The following PRKAG2 variants were observed in gnomAD, a reference collection of about 807,000 sequenced individuals.
The protein encoded by PRKAG2 is protein kinase AMP-activated non-catalytic subunit gamma 2.
In PRKAG2, 26 loss-of-function variants were observed where a neutral mutation model predicts 69.6. The ratio of observed to expected loss-of-function variants is 0.37; its 90% CI spans 0.27 to 0.52. The LOEUF (loss-of-function observed/expected upper bound fraction) is 0.52, where lower values mean the gene tolerates loss of function less well. Ranked by LOEUF, PRKAG2 falls within the 20% of genes least tolerant of loss-of-function variation. The pLI is 0.90. For missense variants in PRKAG2, 557 were observed against 740.0 expected, an observed-to-expected ratio of 0.75 and a Z score of 2.87; for synonymous variants, 293 against 285.0, an observed-to-expected ratio of 1.03 and a Z score of -0.28.
At chr7:151,735,993 T>C (rs1278698731) in intron 3 of PRKAG2, 1 of 1,536,038 alleles carries the variant, frequency 6.5e-7, no homozygotes, top group Non-Finnish European at 8.7e-7. Flanking sequence ...AAGCGCTTCA[T>C]GGGTAGCTGT....
At chr7:151,562,771 T>C (rs949878445) in intron 14 of PRKAG2, among the ~76,000 whole-genome samples, 4 of 151,770 alleles carry the variant, frequency 2.6e-5, no homozygotes, top group Admixed American at 2.0e-4. Flanking sequence ...ATCGAGACCA[T>C]CCTGGCTGAC....
At chr7:151,848,464 G>A (rs10260657) in intron 1 of PRKAG2, among the ~76,000 whole-genome samples, 47,518 of 148,770 alleles carry the variant, frequency 0.32, 7,828 homozygotes, top group East Asian at 0.43. Context: ...ACCCAGTCTC[G>A]GGTATTTTGT....
chr7:151,751,519 A>G (rs190162726), intron 3 of PRKAG2, among the ~76,000 whole-genome samples: 13 of 149,794 alleles, frequency 8.7e-5, no homozygotes, highest in Admixed American at 3.3e-4. Context: ...TTATTTATTT[A>G]TTTTTTTGAG....
intron 5 of PRKAG2, among the ~76,000 whole-genome samples, chr7:151,612,273 G>A (rs1472678253): frequency 6.6e-6 from 1 of 152,212 alleles, no homozygotes; most frequent in Admixed American, 6.5e-5. Context: ...ACTGCAGAGT[G>A]AGCGTCAGCT....
At chr7:151,732,126 C>T (rs1439454451) in intron 3 of PRKAG2, among the ~76,000 whole-genome samples, 17 of 139,012 alleles carry the variant, frequency 1.2e-4, no homozygotes, top group Non-Finnish European at 2.3e-4. Flanking sequence ...TGAGCCACAG[C>T]ACCTGGCTTT....
chr7:151,698,945 C>T (rs923922201), intron 3 of PRKAG2, among the ~76,000 whole-genome samples: 3 of 152,112 alleles, frequency 2.0e-5, no homozygotes, highest in African/African-American at 7.2e-5. Flanking sequence ...CACGTGGAAC[C>T]CTAGGAAAAC....
Position 151,807,648 on chromosome 7 carries a change from A to AG in PRKAG2, c.115-21108dup, listed in dbSNP as rs929366035. ...GTTTCTCCAACAGGTAAGTCCCAGC[A>AG]GGGTGCGATGTCCCAAACCTACACA... On this transcript the variant is annotated intron_variant, in intron 1 of 15. Transcript: ENST00000287878. The surrounding 1 kb of genome is among the most constrained non-coding windows in gnomAD (Gnocchi z 4.4). 1.5e-5 allele frequency: 7 copies of AG among 457,098 alleles called. No individual in the cohort carries two copies. Among genetic ancestry groups the AG allele is most frequent in the Non-Finnish European group, 3.1e-5 (7 of 226,478 alleles). 28.3% of individuals were successfully genotyped at this position (457,098 alleles called of 1,614,324 possible). A position where few individuals can be genotyped will look rare whatever the true frequency, so the allele number is the denominator to read the frequency against.
At chr7:151,675,370 C>T in intron 4 of PRKAG2, 50 bp downstream of exon 4, 1 of 1,553,218 alleles carries the variant, frequency 6.4e-7, no homozygotes, top group Non-Finnish European at 8.9e-7. Context: ...AACTGCTCTG[C>T]CCTCCCTCTG....
intron 3 of PRKAG2, among the ~76,000 whole-genome samples, chr7:151,697,091 G>A (rs990983829): frequency 6.6e-6 from 1 of 152,228 alleles, no homozygotes; most frequent in African/African-American, 2.4e-5. Flanking sequence ...TGTGTAGCCT[G>A]GGAGGGGCCT....
chr7:151,627,206 C>T (rs1823180958), intron 5 of PRKAG2, among the ~76,000 whole-genome samples: 1 of 152,164 alleles, frequency 6.6e-6, no homozygotes, highest in South Asian at 2.1e-4. Context: ...CCCTTCATCA[C>T]AGATCTGGGC....
intron 6 of PRKAG2, among the ~76,000 whole-genome samples, chr7:151,592,942 T>C (rs1813583952): frequency 6.6e-6 from 1 of 152,202 alleles, no homozygotes; most frequent in African/African-American, 2.4e-5. Context: ...CTCCCCCTAT[T>C]TCCATGGTAA....
intron 1 of PRKAG2, among the ~76,000 whole-genome samples, chr7:151,796,131 GC>G (rs961156055): frequency 2.4e-4 from 36 of 151,906 alleles, no homozygotes; most frequent in African/African-American, 7.5e-4. Flanking sequence ...AGAGCCCTAG[GC>G]CCCCTCACCC....
intron 1 of PRKAG2, among the ~76,000 whole-genome samples, chr7:151,847,537 C>G (rs979405604): frequency 2.0e-5 from 3 of 152,210 alleles, no homozygotes; most frequent in Non-Finnish European, 4.4e-5. Context: ...TGAAGCACCC[C>G]ACTGAGGCTG....
Position 151,632,190 on chromosome 7 carries a change from C to G in PRKAG2, c.685-52G>C. ...CAGCATGAGCTGCGACGCTCGTCCC[C>G]GGCCGGCGGGCTCGCGGCCGGCCGA... is the stretch of plus-strand genomic sequence containing the variant. On this transcript the variant is annotated intron_variant, in intron 4 of 15. Transcript: ENST00000287878. This position sits in a 1 kb window ranked among gnomAD's most constrained non-coding sequence, Gnocchi z 4.2. 8.2e-7 allele frequency: 1 copy of G among 1,212,610 alleles called. No homozygotes were observed. The highest frequency in any genetic ancestry group is 2.7e-5 in the South Asian group (1 of 36,656). 75.1% of individuals were successfully genotyped at this position (1,212,610 alleles called of 1,614,324 possible).
intron 15 of PRKAG2, chr7:151,559,881 A>C (rs1483243320): frequency 1.0e-5 from 10 of 985,046 alleles, no homozygotes; most frequent in Non-Finnish European, 1.2e-5. Context: ...CAGTTTTAAG[A>C]ACTCTCAAGC....
intron 3 of PRKAG2, among the ~76,000 whole-genome samples, chr7:151,697,823 AC>A (rs1585854190): frequency 2.0e-5 from 3 of 152,092 alleles, no homozygotes; most frequent in African/African-American, 7.2e-5. Context: ...AACCTCATCC[AC>A]CCAGTGGCTC....
Position 151,564,135 on chromosome 7 carries a change from C to G in PRKAG2, c.1527G>C (p.Val509=). Residue 509 remains valine, a synonymous_variant, in exon 14 of 16, where the codon GTG becomes GTC. Transcript: ENST00000287878. Reference sequence around the variant, plus strand: ...CCAGTATTTCCAGCTTATTGCACTTCACAACACCTTCAAAATACTGTGAAC... The same window carrying G: ...CCAGTATTTCCAGCTTATTGCACTTGACAACACCTTCAAAATACTGTGAAC... ...QHRSQYFEGV[V]KCNKLEILET... The G allele has an allele frequency of 6.2e-7, 1 of 1,614,174 alleles. No individual in the cohort carries two copies. The highest frequency in any genetic ancestry group is 2.2e-5 in the East Asian group (1 of 44,874).
intron 4 of PRKAG2, among the ~76,000 whole-genome samples, chr7:151,662,311 C>T (rs1830437692): frequency 1.3e-5 from 2 of 152,202 alleles, no homozygotes; most frequent in South Asian, 2.1e-4. Flanking sequence ...AAATGTGCCC[C>T]AGATGGAACT....
rs1319119241 is a variant in PRKAG2 at position 151,874,339 on chromosome 7, TATGTATATGTATATG to T, written c.114+2153_114+2167del. Among the ~76,000 whole-genome samples the T allele has an allele frequency of 4.6e-5, 5 of 108,138 alleles. No homozygotes were observed. The South Asian group carries it at 1.4e-3, about 30-fold the overall frequency. The allele number at this position is 108,138 out of a possible 152,430, so 70.9% of individuals were successfully genotyped here. A position where few individuals can be genotyped will look rare whatever the true frequency, so the allele number is the denominator to read the frequency against. ...ATATGATGTATATGTATATGATGTA[TATGTATATGTATATG>T]ATGTATATGTATATGTATATGATGT... On this transcript the variant is annotated intron_variant, in intron 1 of 15. Transcript: ENST00000287878.
Sources: gnomAD v4.1 joint callset for allele counts (sites outside exome capture counted in the v4.1 genomes callset) on GRCh38, gnomAD v4.1.1 for gene constraint, Gnocchi (gnomAD v3.1) non-coding constraint, MANE v1.5 for transcripts, NCBI Gene and HGNC (gene_info 2026-07-23, HGNC 2026-07-21) for gene names.